Variants in SLC4A5 observed in about 807,000 individuals in gnomAD.
The protein encoded by SLC4A5 is electrogenic sodium bicarbonate cotransporter 4.
A neutral mutation model predicts 120.4 loss-of-function variants in SLC4A5; 96 were observed. The observed-to-expected ratio is 0.80, with a 90% CI of 0.68 to 0.94. The LOEUF is 0.94. SLC4A5 is among the 40% of genes least tolerant of loss of function. The pLI is 0.00. For synonymous variants in SLC4A5, 550 were observed against 571.1 expected (o/e 0.96, Z 0.53); for missense variants, 1,259 against 1,459.5 (o/e 0.86, Z 2.24).
At chr2:74,218,239 G>A (rs1694504761) in exon 31 of SLC4A5, 1 of 152,116 alleles carries the variant, frequency 6.6e-6, no homozygotes. Flanking sequence ...TATATTACAA[G>A]TTTGTTTGAG....
At chr2:74,252,484 T>C in intron 15 of SLC4A5, 96 bp from the exon 16 acceptor site, 1 of 1,446,358 alleles carries the variant, frequency 6.9e-7, no homozygotes. Flanking sequence ...CAGACAAAAA[T>C]GCAGAAAATT....
intron 5 of SLC4A5, among the ~76,000 whole-genome samples, chr2:74,327,499 A>G (rs1673244578): frequency 6.6e-6 from 1 of 152,202 alleles, no homozygotes; most frequent in African/African-American, 2.4e-5. Flanking sequence ...GGCCCTGCAG[A>G]CTGAAACACC....
intron 6 of SLC4A5, among the ~76,000 whole-genome samples, chr2:74,312,145 G>C (rs1672823443): frequency 6.6e-6 from 1 of 151,928 alleles, no homozygotes; most frequent in Admixed American, 6.6e-5. Context: ...CTTTTGATTA[G>C]TGTTATCATG....
exon 19 of SLC4A5, chr2:74,247,123 C>G: frequency 6.2e-7 from 1 of 1,614,082 alleles, no homozygotes; most frequent in Non-Finnish European, 8.5e-7. Flanking sequence ...TTGAAGGCAC[C>G]GATCATCTTC....
chr2:74,322,160 C>A (rs1477192273), intron 5 of SLC4A5, among the ~76,000 whole-genome samples: 1 of 150,956 alleles, frequency 6.6e-6, no homozygotes, highest in East Asian at 1.9e-4. Flanking sequence ...GAGCTCTGGA[C>A]TGCTTATTGC....
chr2:74,255,775 C>T lies in SLC4A5; in HGVS notation c.1025G>A (p.Arg342Lys). Residue 342 changes from arginine to lysine, a missense_variant and splice_region_variant, in exon 13 of 31, where the codon AGA becomes AAA. Arg to Lys is a conservative substitution (Grantham distance 26). Coordinates refer to ENST00000394019, the Ensembl canonical transcript of SLC4A5. The surrounding 1 kb of genome is among the most constrained non-coding windows in gnomAD (Gnocchi z 4.0). Reference sequence around the variant, plus strand: ...GGGGACAGGTTTCAATGGCTCTCACCTGGTGGGGACAGGCACCTCGGTCAC... The same window carrying T: ...GGGGACAGGTTTCAATGGCTCTCACTTGGTGGGGACAGGCACCTCGGTCAC... 1 of 1,614,072 alleles carries T rather than the reference C, an allele frequency of 6.2e-7. No individual in the cohort carries two copies. The highest frequency in any genetic ancestry group is 8.5e-7 in the Non-Finnish European group (1 of 1,179,994).
intron 7 of SLC4A5, among the ~76,000 whole-genome samples, chr2:74,286,908 G>C (rs1311292507): frequency 2.0e-5 from 3 of 152,176 alleles, no homozygotes; most frequent in Non-Finnish European, 4.4e-5. Context: ...GCAAGGGACA[G>C]AGAGATGGCA....
intron 11 of SLC4A5, among the ~76,000 whole-genome samples, chr2:74,261,351 TCA>T: frequency 6.6e-6 from 1 of 152,192 alleles, no homozygotes; most frequent in South Asian, 2.1e-4. Context: ...AGGACTTGGG[TCA>T]TCAGGACAGA....
chr2:74,252,344 G>C lies in SLC4A5; in HGVS notation c.1313C>G (p.Ser438Cys). 3.7e-6 allele frequency: 6 copies of C among 1,613,622 alleles called. No individual in the cohort carries two copies. The highest frequency in any genetic ancestry group is 1.3e-5 in the African/African-American group (1 of 74,920). Residue 438 changes from serine to cysteine, a missense_variant, in exon 16 of 31, where the codon TCT becomes TGT. Coordinates refer to ENST00000394019, the Ensembl canonical transcript of SLC4A5. ...AGGAGCTCCGCCGCCTCCTCCCACA[G>C]AGCCATTCATCTGGCCCAGCTCTGC... is the stretch of plus-strand genomic sequence containing the variant.
At chr2:74,244,029 G>A (rs11891887) in intron 19 of SLC4A5, among the ~76,000 whole-genome samples, 2,953 of 152,268 alleles carry the variant, frequency 0.019, 101 homozygotes, top group African/African-American at 0.067. Flanking sequence ...ACTGGGCTTC[G>A]CAGTAAAACT....
chr2:74,306,593 C>T (rs1002161530), intron 6 of SLC4A5: 4 of 324,442 alleles, frequency 1.2e-5, no homozygotes, highest in Non-Finnish European at 2.3e-5. Context: ...TTGGCTCTTT[C>T]AACTAGCAAT....
rs34988074 is a variant in SLC4A5, at chr2:74,327,880, A to C, written c.-3+240T>G. The stretch of plus-strand genomic sequence containing the variant: ...AACAAGTTTCCTGTCATTTCTGTTA[A>C]TTTGGAGTGGTTTTGCACCCAAAAA... On this transcript the variant is annotated intron_variant, in intron 5 of 30. Transcript: ENST00000394019. Among the ~76,000 whole-genome samples, 3,461 of 152,304 alleles carry C rather than the reference A, an allele frequency of 0.023. 56 individuals are homozygous for C. Among genetic ancestry groups the C allele is most frequent in the Non-Finnish European group, 0.032 (2,192 of 68,020 alleles).
rs184395447 is a variant in SLC4A5 at position 74,287,424 on chromosome 2, G to A, written c.272-1522C>T. On this transcript the variant is annotated intron_variant, in intron 7 of 30. Transcript: ENST00000394019. ...TCGGGGCTGCCACTTATTCACAAGC[G>A]AACTCAGTTGAGTGAGCAGGACTGC... Among the ~76,000 whole-genome samples the A allele has an allele frequency of 8.8e-4, 134 of 152,182 alleles. 1 individual carries two copies. Among genetic ancestry groups the A allele is most frequent in the African/African-American group, 3.1e-3 (129 of 41,490 alleles).
chr2:74,313,575 G>C (rs941194392), intron 6 of SLC4A5, among the ~76,000 whole-genome samples: 13 of 152,166 alleles, frequency 8.5e-5, no homozygotes, highest in African/African-American at 3.1e-4. Flanking sequence ...ATGTAACAGG[G>C]ATGAAGAAAA....
At chr2:74,332,266 C>T (rs1673380490) in intron 4 of SLC4A5, among the ~76,000 whole-genome samples, 1 of 152,188 alleles carries the variant, frequency 6.6e-6, no homozygotes. Context: ...TCTTAAGTTT[C>T]TTTGAAACTC....
chr2:74,247,030 G>A lies in SLC4A5; in HGVS notation c.2059+6C>T, dbSNP rs201220442. 1.7e-5 allele frequency: 28 copies of A among 1,613,002 alleles called. No homozygotes were observed. Among genetic ancestry groups the A allele is most frequent in the East Asian group, 6.7e-5 (3 of 44,862 alleles). ...GGCCCACGGCATGTCTGGGGTTACC[G>A]GTCACCTGTGTCAGGGGCGACACAC... On this transcript the variant is annotated splice_donor_region_variant and intron_variant, in intron 19 of 30. Transcript: ENST00000394019.
chr2:74,297,594 A>C (rs144577563), intron 7 of SLC4A5, among the ~76,000 whole-genome samples: 1 of 152,202 alleles, frequency 6.6e-6, no homozygotes, highest in African/African-American at 2.4e-5. Context: ...CACATTTCTA[A>C]AGCTGCTTCT....
At chr2:74,270,759 C>T (rs888820857) in intron 8 of SLC4A5, among the ~76,000 whole-genome samples, 1 of 152,190 alleles carries the variant, frequency 6.6e-6, no homozygotes, top group African/African-American at 2.4e-5. Context: ...CCCGGGTTAT[C>T]TGACTGCACC....
At chr2:74,311,149 T>C (rs902783489) in intron 6 of SLC4A5, among the ~76,000 whole-genome samples, 3 of 152,148 alleles carry the variant, frequency 2.0e-5, no homozygotes, top group African/African-American at 7.2e-5. Flanking sequence ...GAATCAATAA[T>C]GATCACCTTT....
Sources: allele counts gnomAD v4.1 joint callset (sites outside exome capture counted in the v4.1 genomes callset), GRCh38; gene constraint gnomAD v4.1.1; non-coding constraint Gnocchi (gnomAD v3.1); transcripts MANE v1.5; gene names NCBI Gene and HGNC (gene_info 2026-07-23, HGNC 2026-07-21).